Variants in DOCK5 observed in about 807,000 individuals in gnomAD.
The protein encoded by DOCK5 is dedicator of cytokinesis protein 5.
DOCK5 carries 142 observed loss-of-function variants against 251.8 expected under a neutral mutation model. The observed-to-expected ratio is 0.56, with a 90% CI of 0.49 to 0.65. The LOEUF (loss-of-function observed/expected upper bound fraction) is 0.65, where lower values mean the gene tolerates loss of function less well. DOCK5 is among the 30% of genes least tolerant of loss of function. DOCK5 has a pLI of 0.00. For synonymous variants in DOCK5, 842 were observed against 835.5 expected (o/e 1.01, Z -0.13); for missense variants, 2,111 against 2,312.3 (o/e 0.91, Z 1.79).
Position 25,319,626 on chromosome 8 carries a change from T to A in DOCK5, c.1492T>A (p.Ser498Thr). 6.3e-7 allele frequency: 1 copy of A among 1,592,058 alleles called. No homozygotes were observed. Among genetic ancestry groups the A allele is most frequent in the Non-Finnish European group, 8.6e-7 (1 of 1,169,066 alleles). ...ATATGAAGGCATTTCAGAATACAAA[T>A]CAGTAGTCTATTACCAAGTCAAGCA... Reference protein sequence around the residue: ...AGYEGISEYKSVVYYQVKQPC... With the variant: ...AGYEGISEYKTVVYYQVKQPC... The change falls in exon 15 of 52, where the codon TCA (serine) becomes ACA (threonine). Residue 498 changes from serine to threonine, a missense_variant. This residue lies in a region of DOCK5 where 1,717 missense variants were observed against 1,892.4 expected (regional missense o/e 0.91). Coordinates refer to ENST00000276440, the MANE Select transcript of DOCK5 (RefSeq NM_024940.8).
intron 51 of DOCK5, 99 bp from the exon 52 acceptor site, chr8:25,411,095 C>A: frequency 7.4e-7 from 1 of 1,356,878 alleles, no homozygotes; most frequent in South Asian, 1.7e-5. Context: ...AAACTCAGAT[C>A]AATTAGAAGC....
chr8:25,205,871 C>T (rs1240662358), intron 1 of DOCK5, among the ~76,000 whole-genome samples: 1 of 152,194 alleles, frequency 6.6e-6, no homozygotes, highest in Non-Finnish European at 1.5e-5. Context: ...AATGCCATTG[C>T]ACACTTAATT....
At position 25,378,712 on chromosome 8, in the gene DOCK5, G is replaced by A. The variant is rs190202433; in HGVS notation, c.3936+1288G>A. ...GTAACTTACATGGTTATACATGCTC[G>A]GAGGCATTTCCTAAAACTCATCCAC... On this transcript the variant is annotated intron_variant, in intron 38 of 51. Coordinates refer to ENST00000276440, the MANE Select transcript of DOCK5 (RefSeq NM_024940.8). Among the ~76,000 whole-genome samples, 22 of 152,312 alleles carry A rather than the reference G, an allele frequency of 1.4e-4. No individual in the cohort carries two copies. The South Asian group carries it at 2.9e-3, about 20-fold the overall frequency.
Position 25,368,572 on chromosome 8 carries a change from T to A in DOCK5, c.3285T>A (p.Gly1095=). The change falls in exon 33 of 52, where the codon GGT becomes GGA. Residue 1095 remains glycine, a splice_region_variant and synonymous_variant. Coordinates refer to ENST00000276440, the MANE Select transcript of DOCK5 (RefSeq NM_024940.8). ...TATCTTCATTCACTTTCATTTCAGG[T>A]CCCCACAAAATCAAATTCATCCCAT... ...FRIRDMWYNL[G]PHKIKFIPSM... is the part of the protein sequence containing the mutation. 1.1e-5 allele frequency: 17 copies of A among 1,592,464 alleles called. No homozygotes were observed. Among genetic ancestry groups the A allele is most frequent in the Non-Finnish European group, 1.5e-5 (17 of 1,170,198 alleles).
chr8:25,395,223 T>G (rs1801325729), intron 44 of DOCK5, among the ~76,000 whole-genome samples: 1 of 152,082 alleles, frequency 6.6e-6, no homozygotes, highest in South Asian at 2.1e-4. Flanking sequence ...TATGAAAATC[T>G]GATACCACCA....
intron 45 of DOCK5, among the ~76,000 whole-genome samples, chr8:25,396,037 G>A (rs1165129276): frequency 1.3e-5 from 2 of 152,164 alleles, no homozygotes; most frequent in African/African-American, 4.8e-5. Context: ...AGGCGCACTG[G>A]AAATGAAGCA....
Position 25,363,104 on chromosome 8 carries a change from G to A in DOCK5, c.3007G>A (p.Ala1003Thr). 6.2e-7 allele frequency: 1 copy of A among 1,614,058 alleles called. No homozygotes were observed. The highest frequency in any genetic ancestry group is 8.5e-7 in the Non-Finnish European group (1 of 1,179,898). ...FKDLIGKNVYAKDWMVMNMTQ... is the reference protein window; with the variant it reads ...FKDLIGKNVYTKDWMVMNMTQ... ...GGACCTGATTGGAAAGAATGTCTATGCCAAAGATTGGATGGTGATGAATAT... is the reference window on the plus strand; with the variant it reads ...GGACCTGATTGGAAAGAATGTCTATACCAAAGATTGGATGGTGATGAATAT... The change falls in exon 29 of 52, where the codon GCC (alanine) becomes ACC (threonine). Residue 1003 changes from alanine (A) to threonine (T), a missense_variant. Physicochemically the swap from Ala to Thr is moderately conservative, Grantham distance 58 (BLOSUM62 0). Coordinates refer to ENST00000276440, the MANE Select transcript of DOCK5 (RefSeq NM_024940.8).
chr8:25,399,825 G>A (rs3763519), intron 45 of DOCK5, 86 bp from the exon 46 acceptor site: 56,924 of 1,003,944 alleles, frequency 0.057, 2,036 homozygotes, highest in South Asian at 0.096. Context: ...TGGTTCTTCC[G>A]CACAGGACAC....
chr8:25,190,079 G>T (rs955097321), intron 1 of DOCK5, among the ~76,000 whole-genome samples: 2 of 152,192 alleles, frequency 1.3e-5, no homozygotes, highest in East Asian at 1.9e-4. Context: ...TAGAGACGGG[G>T]TTTCACCATG....
In DOCK5 at chr8:25,411,374, A is replaced by C. The variant is rs1413061415; in HGVS notation, c.*76A>C. 3 of 1,354,662 alleles carry C rather than the reference A, an allele frequency of 2.2e-6. No individual in the cohort carries two copies. The highest frequency in any genetic ancestry group is 6.2e-5 in the East Asian group (2 of 32,036). The allele number at this position is 1,354,662 out of a possible 1,614,324, so 83.9% of individuals were successfully genotyped here. On this transcript the variant is annotated 3_prime_UTR_variant, in exon 52 of 52. Transcript: ENST00000276440. ...GAACTGGCCTCCAGCCGGTGTCCTC[A>C]TTCCATGGGGCTCCCTGCTGACTGC... is the stretch of plus-strand genomic sequence containing the variant.
At position 25,401,067 on chromosome 8, in the gene DOCK5, G is replaced by A. The variant is rs755183672; in HGVS notation, c.4926+1G>A. ...AAAGCACTATGGGGTTATAACACTG[G>A]TAAGCATGATCTAAGTAGCCTTCAC... On this transcript the variant is annotated splice_donor_variant, in intron 47 of 51. Transcript: ENST00000276440. LOFTEE classifies it high-confidence loss of function. The A allele has an allele frequency of 6.2e-7, 1 of 1,613,908 alleles. No individual in the cohort carries two copies. Among genetic ancestry groups the A allele is most frequent in the Admixed American group, 1.7e-5 (1 of 60,014 alleles).
chr8:25,338,293 C>T (rs933001362), intron 22 of DOCK5, among the ~76,000 whole-genome samples: 2 of 151,736 alleles, frequency 1.3e-5, no homozygotes, highest in Admixed American at 6.6e-5. Context: ...TGCCCACCTC[C>T]GCCTCCCAAA....
intron 2 of DOCK5, among the ~76,000 whole-genome samples, chr8:25,266,602 G>A (rs373658081): frequency 2.6e-5 from 4 of 151,834 alleles, no homozygotes; most frequent in Admixed American, 6.6e-5. Context: ...GACAACCCAG[G>A]TATGTAATGT....
chr8:25,350,918 C>T (rs1162850856), intron 26 of DOCK5, among the ~76,000 whole-genome samples: 1 of 152,194 alleles, frequency 6.6e-6, no homozygotes, highest in South Asian at 2.1e-4. Flanking sequence ...GAGACACAAA[C>T]ATTTACTCCA....
intron 25 of DOCK5, among the ~76,000 whole-genome samples, chr8:25,344,066 C>G (rs1043640799): frequency 6.6e-5 from 10 of 152,178 alleles, no homozygotes; most frequent in Admixed American, 6.5e-4. Flanking sequence ...CCTTGGCCTC[C>G]CAGAGTGCTG....
At chr8:25,255,191 T>C (rs1803389158) in intron 2 of DOCK5, among the ~76,000 whole-genome samples, 2 of 152,192 alleles carry the variant, frequency 1.3e-5, no homozygotes, top group Admixed American at 6.5e-5. Flanking sequence ...AATGCAGCAA[T>C]TTCTGTCCTT....
chr8:25,257,161 G>A (rs966367148), intron 2 of DOCK5, among the ~76,000 whole-genome samples: 1 of 152,060 alleles, frequency 6.6e-6, no homozygotes, highest in Non-Finnish European at 1.5e-5. Flanking sequence ...GCCCCCCACA[G>A]CACAGGAACC....
At chr8:25,205,088 G>A (rs1801968592) in intron 1 of DOCK5, among the ~76,000 whole-genome samples, 1 of 152,078 alleles carries the variant, frequency 6.6e-6, no homozygotes, top group Admixed American at 6.6e-5. Flanking sequence ...AGTACAGACA[G>A]GGTCTCATTA....
At chr8:25,275,020 T>C (rs1187535264) in intron 3 of DOCK5, among the ~76,000 whole-genome samples, 2 of 152,176 alleles carry the variant, frequency 1.3e-5, no homozygotes, top group Non-Finnish European at 2.9e-5. Context: ...ATAGTTTCCA[T>C]GTCACCCCTT....
Sources: gnomAD v4.1 joint callset for allele counts (sites outside exome capture counted in the v4.1 genomes callset) on GRCh38, gnomAD v4.1.1 for gene constraint, gnomAD v4.1.1 regional missense constraint, MANE v1.5 for transcripts, NCBI Gene and HGNC (gene_info 2026-07-23, HGNC 2026-07-21) for gene names.